TP53BP1: variants seen among roughly 807,000 people sequenced by gnomAD.
The protein encoded by TP53BP1 is TP53-binding protein 1.
TP53BP1 carries 61 observed loss-of-function variants against 200.8 expected under a neutral mutation model. The observed-to-expected ratio is 0.30, with a 90% confidence interval of 0.25 to 0.38. The LOEUF is 0.38. Ranked by LOEUF, TP53BP1 falls within the 10% of genes least tolerant of loss-of-function variation. The probability of loss-of-function intolerance (pLI) is 1.00; values close to 1 mark genes in which losing one functional copy is unlikely to be tolerated. For synonymous variants in TP53BP1, 822 were observed against 844.3 expected, an observed-to-expected ratio of 0.97 and a Z score of 0.46; for missense variants, 2,144 against 2,371.9, an observed-to-expected ratio of 0.90 and a Z score of 2.00.
chr15:43,477,873 CTAATT>C, intron 7 of TP53BP1, 114 bp from the exon 8 acceptor site: 1 of 722,354 alleles, frequency 1.4e-6, no homozygotes, highest in Non-Finnish European at 2.1e-6. Context: ...TCCAGTGGCT[CTAATT>C]TACATAATTA....
At chr15:43,426,194 A>G (rs966538122) in intron 18 of TP53BP1, among the ~76,000 whole-genome samples, 3 of 152,188 alleles carry the variant, frequency 2.0e-5, no homozygotes, top group African/African-American at 7.2e-5. Context: ...CTGTAATCCC[A>G]GCACTTTGGG....
intron 18 of TP53BP1, among the ~76,000 whole-genome samples, chr15:43,423,386 G>A (rs1193247132): frequency 6.6e-6 from 1 of 151,830 alleles, no homozygotes; most frequent in East Asian, 1.9e-4. Flanking sequence ...GGCCAGGCAT[G>A]GTGGCTCACG....
intron 1 of TP53BP1, among the ~76,000 whole-genome samples, chr15:43,503,997 C>T (rs183168983): frequency 1.3e-4 from 20 of 152,122 alleles, no homozygotes; most frequent in African/African-American, 3.4e-4. Context: ...TTAATGCATA[C>T]GGGAGGGCCA....
intron 9 of TP53BP1, 91 bp downstream of exon 9, chr15:43,475,474 A>C (rs564246212): frequency 2.1e-6 from 3 of 1,455,702 alleles, no homozygotes; most frequent in Non-Finnish European, 2.8e-6. Context: ...AAAGAATTCT[A>C]GACTAGCAGA....
intron 14 of TP53BP1, among the ~76,000 whole-genome samples, chr15:43,442,921 G>A (rs920300580): frequency 2.1e-5 from 3 of 146,190 alleles, no homozygotes; most frequent in Non-Finnish European, 1.5e-5. Context: ...CGCCTCTCGG[G>A]TTCAAGAGAT....
Position 43,447,503 on chromosome 15 carries a change from A to AG in TP53BP1, c.2717-19_2717-18insC. ...TGGGGTTTCTGAAAAAAAAAAAAAA[A>AG]AGAAAAAAGAAAGAAAGAAAAAATG... On this transcript the variant is annotated intron_variant, in intron 12 of 27. Coordinates refer to ENST00000382044, the MANE Select transcript of TP53BP1 (RefSeq NM_001141980.3). 1 of 1,479,378 alleles carries AG rather than the reference A, an allele frequency of 6.8e-7. No individual in the cohort carries two copies. The highest frequency in any genetic ancestry group is 9.0e-7 in the Non-Finnish European group (1 of 1,109,168). The allele number at this position is 1,479,378 out of a possible 1,614,324, so 91.6% of individuals were successfully genotyped here.
chr15:43,428,127 A>G lies in TP53BP1; in HGVS notation c.3717T>C (p.His1239=). Residue 1239 remains histidine, a synonymous_variant, in exon 18 of 28, where the codon CAT becomes CAC. Transcript: ENST00000382044. ...EFDMPQPPHG[H]VLHRHMRTIR... is the part of the protein sequence containing the mutation. ...TTGTTCTCATGTGACGATGTAAGAC[A>G]TGGCCATGTGGAGGCTGAGGCATAT... 1 of 1,613,838 alleles carries G rather than the reference A, an allele frequency of 6.2e-7. No homozygotes were observed. Among genetic ancestry groups the G allele is most frequent in the South Asian group, 1.1e-5 (1 of 91,068 alleles).
rs2044977584 is a variant in TP53BP1 at position 43,408,092 on chromosome 15, T to A, written c.5601-4A>T. 2 of 1,613,664 alleles carry A rather than the reference T, an allele frequency of 1.2e-6. No individual in the cohort carries two copies. The highest frequency in any genetic ancestry group is 2.2e-5 in the East Asian group (1 of 44,882). ...GAAAGGATTTTCACGGGGTTGCCTA[T>A]GAAGGAGACAGGAAAGGACCTTAGC... On this transcript the variant is annotated splice_region_variant and splice_polypyrimidine_tract_variant and intron_variant, in intron 26 of 27. Transcript: ENST00000382044.
intron 9 of TP53BP1, among the ~76,000 whole-genome samples, chr15:43,475,248 C>T (rs1263638363): frequency 6.6e-6 from 1 of 152,192 alleles, no homozygotes; most frequent in African/African-American, 2.4e-5. Flanking sequence ...TATTCTCCAC[C>T]CTCTGCTATT....
In TP53BP1 at chr15:43,475,632, G is replaced by A; in HGVS notation, c.1018C>T (p.Pro340Ser). The A allele has an allele frequency of 6.2e-7, 1 of 1,614,102 alleles. No homozygotes were observed. The highest frequency in any genetic ancestry group is 8.5e-7 in the Non-Finnish European group (1 of 1,180,028). The change falls in exon 9 of 28, where the codon CCT (proline) becomes TCT (serine). Residue 340 changes from proline (P) to serine (S), a missense_variant. By Grantham distance (74) the Pro-to-Ser change is moderately conservative. Transcript: ENST00000382044. ...TGCAGGAGATGCAGAGTGGTGGCAGGAGTGGAAGCCAAAGAACACCCACCT... is the reference window on the plus strand; with the variant it reads ...TGCAGGAGATGCAGAGTGGTGGCAGAAGTGGAAGCCAAAGAACACCCACCT... Reference protein sequence around the residue: ...EEGGCSLASTPATTLHLLQLS... With the variant: ...EEGGCSLASTSATTLHLLQLS...
chr15:43,404,738 A>T lies in TP53BP1; in HGVS notation c.*2645T>A. The T allele has an allele frequency of 1.5e-6, 1 of 653,446 alleles. No individual in the cohort carries two copies. Among genetic ancestry groups the T allele is most frequent in the South Asian group, 2.3e-5 (1 of 43,914 alleles). 40.5% of individuals were successfully genotyped at this position (653,446 alleles called of 1,614,324 possible). ...TTATTTTCTAGTAGAAGTCATCATC[A>T]TCATAAAATACTAAAAAACCTGACA... On this transcript the variant is annotated 3_prime_UTR_variant, in exon 28 of 28. Coordinates refer to ENST00000382044, the MANE Select transcript of TP53BP1 (RefSeq NM_001141980.3).
chr15:43,420,700 T>C lies in TP53BP1; in HGVS notation c.4286A>G (p.Asp1429Gly). 1 of 1,614,160 alleles carries C rather than the reference T, an allele frequency of 6.2e-7. No individual in the cohort carries two copies. The highest frequency in any genetic ancestry group is 8.5e-7 in the Non-Finnish European group (1 of 1,180,018). Residue 1429 changes from aspartate to glycine, a missense_variant, in exon 21 of 28, where the codon GAC becomes GGC. Transcript: ENST00000382044. ...TAVPGPLGIEDISPNLSPDDK... is the reference protein window; with the variant it reads ...TAVPGPLGIEGISPNLSPDDK... ...ATCTGGTGACAAGTTAGGTGAAATG[T>C]CCTCTATGCCCAAGGGGCCAGGCAC...
intron 16 of TP53BP1, among the ~76,000 whole-genome samples, chr15:43,433,051 G>GA (rs1161992771): frequency 6.6e-6 from 1 of 151,926 alleles, no homozygotes; most frequent in Non-Finnish European, 1.5e-5. Context: ...GATCTATTTT[G>GA]AAAAAAGATC....
intron 11 of TP53BP1, among the ~76,000 whole-genome samples, chr15:43,458,750 C>T (rs1566947079): frequency 6.6e-6 from 1 of 151,058 alleles, no homozygotes; most frequent in Non-Finnish European, 1.5e-5. Flanking sequence ...ACTCACTGTA[C>T]ACTAGCCTGG....
At chr15:43,407,750 G>A (rs2044960019) in intron 27 of TP53BP1, 180 bp from the exon 28 acceptor site, 1 of 783,822 alleles carries the variant, frequency 1.3e-6, no homozygotes, top group South Asian at 1.9e-5. Flanking sequence ...TGCTGACCTT[G>A]TAGAAATATT....
At chr15:43,480,757 C>G (rs1418576839) in intron 5 of TP53BP1, 138 bp downstream of exon 5, 1 of 988,824 alleles carries the variant, frequency 1.0e-6, no homozygotes, top group Non-Finnish European at 1.5e-6. Context: ...TTTTAAATTA[C>G]TAGCAAATTT....
rs759644875 is a variant in TP53BP1, at chr15:43,456,638, T to A, written c.1970A>T (p.Glu657Val). 2 of 1,614,176 alleles carry A rather than the reference T, an allele frequency of 1.2e-6. No individual in the cohort carries two copies. The highest frequency in any genetic ancestry group is 3.3e-5 in the Admixed American group (2 of 60,010). Residue 657 changes from glutamate to valine, a missense_variant, in exon 12 of 28, where the codon GAA becomes GTA. Glu to Val is a moderately radical substitution (Grantham distance 121, BLOSUM62 -2). Around this residue, in one of 4 missense-constraint regions of TP53BP1, gnomAD observed 1,700 missense variants for 1,710.3 expected, o/e 0.99. Coordinates refer to ENST00000382044, the MANE Select transcript of TP53BP1 (RefSeq NM_001141980.3). Reference sequence around the variant, plus strand: ...TGAAGACCCCTCCTCTGGATGGTGTTCTTTAATTTCCATAGCTTCCTCCTG... The same window carrying A: ...TGAAGACCCCTCCTCTGGATGGTGTACTTTAATTTCCATAGCTTCCTCCTG... The part of the protein sequence containing the change: ...LDQEEAMEIK[E>V]HHPEEGSSGS...
rs1423718767 is a variant in TP53BP1 at position 43,493,111 on chromosome 15, T to G, written c.-68A>C. On this transcript the variant is annotated 5_prime_UTR_variant, in exon 1 of 28. Coordinates refer to ENST00000382044, the MANE Select transcript of TP53BP1 (RefSeq NM_001141980.3). ...CGCTCCCCAAGTCCCTCCAGATCGA[T>G]CCCTAGGTCGCCGCTGTCGCCACCG... 4.4e-6 allele frequency: 7 copies of G among 1,601,550 alleles called. No individual in the cohort carries two copies. Among genetic ancestry groups the G allele is most frequent in the Middle Eastern group, 1.6e-4 (1 of 6,066 alleles).
intron 1 of TP53BP1, among the ~76,000 whole-genome samples, chr15:43,500,472 C>A (rs1335551205): frequency 6.6e-6 from 1 of 151,902 alleles, no homozygotes; most frequent in Non-Finnish European, 1.5e-5. Flanking sequence ...GATTTCTAAA[C>A]AAATCCCAGA....
Sources: allele counts gnomAD v4.1 joint callset (sites outside exome capture counted in the v4.1 genomes callset), GRCh38; gene constraint gnomAD v4.1.1; regional missense constraint gnomAD v4.1.1; transcripts MANE v1.5; gene names NCBI Gene and HGNC (gene_info 2026-07-23, HGNC 2026-07-21).